SGIP1: variants seen among roughly 807,000 people sequenced by gnomAD.
The protein encoded by SGIP1 is SH3-containing GRB2-like protein 3-interacting protein 1.
Under a neutral mutation model 107.5 loss-of-function variants are expected in SGIP1, and 38 were observed. The observed-to-expected ratio is 0.35, with a 90% CI of 0.27 to 0.46. The LOEUF is 0.46. SGIP1 is among the 20% of genes least tolerant of loss of function. The pLI, the probability that SGIP1 is intolerant of heterozygous loss-of-function variation, is 1.00. For synonymous variants in SGIP1, 365 were observed against 366.1 expected (o/e 1.00, Z 0.03); for missense variants, 929 against 1,019.5 (o/e 0.91, Z 1.21).
chr1:66,569,858 A>T (rs12731104), intron 1 of SGIP1, among the ~76,000 whole-genome samples: 23,374 of 151,742 alleles, frequency 0.15, 2,343 homozygotes, highest in East Asian at 0.45. Flanking sequence ...GGCCTGGTGC[A>T]TTCTGTTTTA....
chr1:66,747,507 C>A lies in SGIP1; in HGVS notation c.*4412C>A, dbSNP rs1317203364. The A allele has an allele frequency of 6.6e-6, 1 of 151,918 alleles. No individual in the cohort carries two copies. Among genetic ancestry groups the A allele is most frequent in the African/African-American group, 2.4e-5 (1 of 41,418 alleles). 9.4% of individuals were successfully genotyped at this position (151,918 alleles called of 1,614,324 possible). On this transcript the variant is annotated 3_prime_UTR_variant, in exon 25 of 25. Transcript: ENST00000371037. ...ATATTTCTGTCCTTTTCTTCAATGT[C>A]TTAAAAGACTTGAAGTAGAAGGGAA...
At chr1:66,734,785 C>G (rs895875830) in intron 21 of SGIP1, among the ~76,000 whole-genome samples, 5 of 152,118 alleles carry the variant, frequency 3.3e-5, no homozygotes, top group Non-Finnish European at 7.4e-5. Context: ...GGATTACAGG[C>G]ATGAGCCACC....
At chr1:66,721,380 G>A (rs1193351706) in intron 19 of SGIP1, among the ~76,000 whole-genome samples, 1 of 152,112 alleles carries the variant, frequency 6.6e-6, no homozygotes, top group East Asian at 1.9e-4. Flanking sequence ...GGCCTGAATT[G>A]AGAAAAGCAG....
At chr1:66,562,342 G>A (rs1317578227) in intron 1 of SGIP1, among the ~76,000 whole-genome samples, 1 of 152,004 alleles carries the variant, frequency 6.6e-6, no homozygotes, top group Non-Finnish European at 1.5e-5. Flanking sequence ...TGCTAGATGA[G>A]GGTTTCAGGG....
chr1:66,728,300 G>A (rs977041354), intron 19 of SGIP1, among the ~76,000 whole-genome samples: 1 of 152,158 alleles, frequency 6.6e-6, no homozygotes, highest in East Asian at 1.9e-4. Context: ...CAAATATGCT[G>A]CCAAAGATTC....
intron 1 of SGIP1, among the ~76,000 whole-genome samples, chr1:66,564,011 C>T (rs2059326279): frequency 6.6e-6 from 1 of 152,018 alleles, no homozygotes; most frequent in Non-Finnish European, 1.5e-5. Flanking sequence ...TATAGTTCAA[C>T]AGGTCAGAAG....
intron 21 of SGIP1, among the ~76,000 whole-genome samples, chr1:66,737,658 A>G (rs185054482): frequency 2.6e-5 from 4 of 152,374 alleles, no homozygotes; most frequent in Admixed American, 6.5e-5. Flanking sequence ...AAATAAGGGT[A>G]ATAATGATAT....
chr1:66,579,096 A>G (rs1266638019), intron 1 of SGIP1, among the ~76,000 whole-genome samples: 1 of 152,152 alleles, frequency 6.6e-6, no homozygotes, highest in Non-Finnish European at 1.5e-5. Flanking sequence ...ACTTCTATTT[A>G]TTTTGGGGTC....
In SGIP1 at chr1:66,699,940, T is replaced by C. The variant is rs528863465; in HGVS notation, c.1630+4447T>C. On this transcript the variant is annotated intron_variant, in intron 18 of 24. Coordinates refer to ENST00000371037, the MANE Select transcript of SGIP1 (RefSeq NM_032291.4). Reference sequence around the variant, plus strand: ...AAAATAAAATAAAAATAATAATGAATATGAGTAACTAACATCTGAGTATTT... The same window carrying C: ...AAAATAAAATAAAAATAATAATGAACATGAGTAACTAACATCTGAGTATTT... Among the ~76,000 whole-genome samples the C allele has an allele frequency of 5.9e-5, 9 of 152,284 alleles. No homozygotes were observed. The South Asian group carries it at 1.9e-3, about 32-fold the overall frequency.
intron 1 of SGIP1, among the ~76,000 whole-genome samples, chr1:66,614,154 A>G (rs548706810): frequency 6.6e-6 from 1 of 152,352 alleles, no homozygotes; most frequent in Non-Finnish European, 1.5e-5. Context: ...AATGTTTGAA[A>G]TAGAAGATCT....
intron 20 of SGIP1, among the ~76,000 whole-genome samples, chr1:66,732,001 A>AT (rs2094035139): frequency 6.6e-6 from 1 of 152,224 alleles, no homozygotes; most frequent in South Asian, 2.1e-4. Context: ...CTGTGTAAGC[A>AT]TTTGATTGGC....
At chr1:66,647,452 T>A (rs2077849739) in intron 7 of SGIP1, among the ~76,000 whole-genome samples, 1 of 152,192 alleles carries the variant, frequency 6.6e-6, no homozygotes, top group African/African-American at 2.4e-5. Flanking sequence ...AGTAGCCAGC[T>A]AACATTCGGG....
chr1:66,616,041 T>A (rs1428004332), intron 1 of SGIP1: 1 of 152,196 alleles, frequency 6.6e-6, no homozygotes, highest in Non-Finnish European at 1.5e-5. Context: ...TCAATTGAAG[T>A]TTGTAACAGA....
rs76997040 is a variant in SGIP1, at chr1:66,614,013, A to T, written c.11-11834A>T. 4.2e-3 allele frequency among the ~76,000 whole-genome samples: 637 copies of T among 152,360 alleles called. 4 individuals carry two copies. Among genetic ancestry groups the T allele is most frequent in the African/African-American group, 0.015 (607 of 41,590 alleles). On this transcript the variant is annotated intron_variant, in intron 1 of 24. Coordinates refer to ENST00000371037, the MANE Select transcript of SGIP1 (RefSeq NM_032291.4). ...GCATTGAAAGAAATGCTAGAGTCAT[A>T]TCCCTGCCCTATACTGGATAATTGG...
At chr1:66,621,047 T>C (rs1191564332) in intron 1 of SGIP1, among the ~76,000 whole-genome samples, 3 of 152,168 alleles carry the variant, frequency 2.0e-5, no homozygotes, top group Non-Finnish European at 4.4e-5. Flanking sequence ...GAGCTCACCA[T>C]CTAGTGGGAT....
chr1:66,665,144 C>T (rs2149768933), intron 8 of SGIP1, among the ~76,000 whole-genome samples: 1 of 152,234 alleles, frequency 6.6e-6, no homozygotes, highest in South Asian at 2.1e-4. Flanking sequence ...CACGACAGGT[C>T]CTGATGTGTG....
chr1:66,587,031 C>T (rs1473880447), intron 1 of SGIP1, among the ~76,000 whole-genome samples: 1 of 152,050 alleles, frequency 6.6e-6, no homozygotes, highest in Non-Finnish European at 1.5e-5. Flanking sequence ...CCTCTAGTCT[C>T]CACAGTGTCT....
rs116522350 is a variant in SGIP1, at chr1:66,550,664, G to A, written c.10+16296G>A. ...ATTTCTTGAGCTCCTGCGACATGCC[G>A]GAAATTGTTCCTAAAGTATCTATAA... On this transcript the variant is annotated intron_variant, in intron 1 of 24. Transcript: ENST00000371037. Among the ~76,000 whole-genome samples the A allele has an allele frequency of 4.5e-3, 689 of 152,102 alleles. 4 individuals are homozygous for A. Among genetic ancestry groups the A allele is most frequent in the African/African-American group, 0.016 (662 of 41,488 alleles).
At chr1:66,558,679 T>C (rs974516552) in intron 1 of SGIP1, among the ~76,000 whole-genome samples, 2 of 151,900 alleles carry the variant, frequency 1.3e-5, no homozygotes, top group Non-Finnish European at 2.9e-5. Context: ...TAGTCTAATA[T>C]ATTCACTGTG....
Sources: allele counts gnomAD v4.1 joint callset (sites outside exome capture counted in the v4.1 genomes callset), GRCh38; gene constraint gnomAD v4.1.1; transcripts MANE v1.5; gene names NCBI Gene and HGNC (gene_info 2026-07-23, HGNC 2026-07-21).